Variants in PHKG2 observed in about 807,000 individuals in gnomAD.
PHKG2 encodes phosphorylase kinase catalytic subunit gamma 2.
In PHKG2, 28 loss-of-function variants were observed where a neutral mutation model predicts 44.5. That is an observed-to-expected ratio of 0.63 (90% CI 0.47 to 0.86). PHKG2 has a LOEUF of 0.86. Among genes scored for constraint, PHKG2 ranks in the 40% least tolerant of loss-of-function variants. PHKG2 has a pLI of 0.00. For missense variants in PHKG2, 498 were observed against 547.5 expected, an observed-to-expected ratio of 0.91 and a Z score of 0.90; for synonymous variants, 220 against 211.2, an observed-to-expected ratio of 1.04 and a Z score of -0.36.
chr16:30,760,277 C>T lies in PHKG2; in HGVS notation c.*3180C>T. On this transcript the variant is annotated 3_prime_UTR_variant, in exon 10 of 10. Transcript: ENST00000563588. ...GGGGCTCAAACCTGGTAGCTGCCCC[C>T]TCTCACCAATACAAGCCTTGTGAAG... 1 of 1,614,188 alleles carries T rather than the reference C, an allele frequency of 6.2e-7. No individual in the cohort carries two copies. The highest frequency in any genetic ancestry group is 1.1e-5 in the South Asian group (1 of 91,086).
At chr16:30,750,479 G>A (rs1165628346) in intron 2 of PHKG2, among the ~76,000 whole-genome samples, 1 of 152,186 alleles carries the variant, frequency 6.6e-6, no homozygotes, top group Non-Finnish European at 1.5e-5. Context: ...ATATGGAGTT[G>A]GTGATAGCCT....
At chr16:30,755,841 C>T (rs2053415824) in intron 6 of PHKG2, among the ~76,000 whole-genome samples, 2 of 152,136 alleles carry the variant, frequency 1.3e-5, no homozygotes, top group Middle Eastern at 6.8e-3. Context: ...TTTCCATATG[C>T]ATTATGATAT....
rs1407954450 is a variant in PHKG2 at position 30,760,932 on chromosome 16, T to G, written c.*3835T>G. The G allele has an allele frequency of 1.6e-6, 1 of 610,696 alleles. No individual in the cohort carries two copies. The highest frequency in any genetic ancestry group is 2.7e-5 in the East Asian group (1 of 36,496). The allele number at this position is 610,696 out of a possible 1,614,324, so 37.8% of individuals were successfully genotyped here. On this transcript the variant is annotated 3_prime_UTR_variant, in exon 10 of 10. Transcript: ENST00000563588. ...TGTATGACCTTGGTCAAGTACTCCC[T>G]GTGGCCCTCAGTGTCCCCCTCTGTA...
intron 2 of PHKG2, among the ~76,000 whole-genome samples, chr16:30,749,884 A>T (rs1343139249): frequency 3.3e-5 from 5 of 152,212 alleles, no homozygotes; most frequent in Admixed American, 3.3e-4. Flanking sequence ...GTCTGTATCA[A>T]GTGCTATGGG....
intron 4 of PHKG2, 32 bp downstream of exon 4, chr16:30,751,635 C>G: frequency 6.4e-7 from 1 of 1,563,584 alleles, no homozygotes; most frequent in Non-Finnish European, 8.8e-7. Flanking sequence ...TCTGAGAAGC[C>G]TCCTCCCCAC....
chr16:30,754,164 TTTTTTC>T (rs1437020399), intron 6 of PHKG2, among the ~76,000 whole-genome samples: 1 of 149,474 alleles, frequency 6.7e-6, no homozygotes, highest in Non-Finnish European at 1.5e-5. Flanking sequence ...TTTTTTTTTC[TTTTTTC>T]TTTTTTTTTT....
chr16:30,754,638 A>C (rs2053392643), intron 6 of PHKG2, among the ~76,000 whole-genome samples: 1 of 152,124 alleles, frequency 6.6e-6, no homozygotes, highest in Admixed American at 6.5e-5. Context: ...AATACTCTTA[A>C]CCTGTGGACC....
In PHKG2 at chr16:30,759,090, T is replaced by C. The variant is rs748092461; in HGVS notation, c.*1993T>C. ...ACTGCCTGCTCCTCCATCTCCTTGCTTTCTTCTTTCTCTGCAAACCAGAAG... is the reference window on the plus strand; with the variant it reads ...ACTGCCTGCTCCTCCATCTCCTTGCCTTCTTCTTTCTCTGCAAACCAGAAG... On this transcript the variant is annotated 3_prime_UTR_variant, in exon 10 of 10. Transcript: ENST00000563588. The C allele has an allele frequency of 1.2e-6, 2 of 1,614,220 alleles. No individual in the cohort carries two copies. Among genetic ancestry groups the C allele is most frequent in the Non-Finnish European group, 1.7e-6 (2 of 1,180,032 alleles).
intron 6 of PHKG2, among the ~76,000 whole-genome samples, chr16:30,755,577 G>C (rs961298406): frequency 5.3e-5 from 8 of 152,128 alleles, no homozygotes; most frequent in Non-Finnish European, 1.0e-4. Context: ...TCGGGAGACT[G>C]AGGCAGGAGA....
Position 30,761,089 on chromosome 16 carries a change from G to T in PHKG2, c.*3992G>T. On this transcript the variant is annotated 3_prime_UTR_variant, in exon 10 of 10. Transcript: ENST00000563588. The stretch of plus-strand genomic sequence containing the variant: ...GTCACCTGGAGTAATTGCATCTCCA[G>T]GCCTCAGTCTCATCTGTAAAATGGG... 7.9e-7 allele frequency: 1 copy of T among 1,271,134 alleles called. No homozygotes were observed. The highest frequency in any genetic ancestry group is 1.1e-6 in the Non-Finnish European group (1 of 903,250). 78.7% of individuals were successfully genotyped at this position (1,271,134 alleles called of 1,614,324 possible). A position where few individuals can be genotyped will look rare whatever the true frequency, so the allele number is the denominator to read the frequency against.
chr16:30,753,313 G>GA lies in PHKG2; in HGVS notation c.392+18dup. ...AGGAAACCAGGTAAGGGTTGAGCCTGAAGCCCCAGGGGTGAGCAGGGGGTG... is the reference window on the plus strand; with the variant it reads ...AGGAAACCAGGTAAGGGTTGAGCCTGAAAGCCCCAGGGGTGAGCAGGGGGTG... On this transcript the variant is annotated intron_variant, in intron 5 of 9. Coordinates refer to ENST00000563588, the MANE Select transcript of PHKG2 (RefSeq NM_000294.3). 6.2e-7 allele frequency: 1 copy of GA among 1,613,606 alleles called. No homozygotes were observed.
intron 2 of PHKG2, among the ~76,000 whole-genome samples, 191 bp downstream of exon 2, chr16:30,749,106 C>CTGCTGG (rs1555466853): frequency 0.01 from 508 of 50,518 alleles, 153 homozygotes; most frequent in African/African-American, 0.02. Flanking sequence ...GCTGCTGCTG[C>CTGCTGG]TGCTGGTGGT....
intron 6 of PHKG2, among the ~76,000 whole-genome samples, chr16:30,755,568 C>T (rs1005540129): frequency 6.6e-6 from 1 of 151,866 alleles, no homozygotes; most frequent in African/African-American, 2.4e-5. Context: ...CCCAGCTACT[C>T]GGGAGACTGA....
At chr16:30,751,832 G>T in intron 4 of PHKG2, 2 of 555,228 alleles carry the variant, frequency 3.6e-6, no homozygotes, top group Non-Finnish European at 6.6e-6. Flanking sequence ...AGTGGCTCAC[G>T]CCTGTAATCC....
In PHKG2 at chr16:30,759,379, C is replaced by G. The variant is rs775682412; in HGVS notation, c.*2282C>G. On this transcript the variant is annotated 3_prime_UTR_variant, in exon 10 of 10. Transcript: ENST00000563588. ...GACGTATTTATAGAGCTTGAAGTGGCGGAAGTAAGTGTTGACCACGTAGTC... is the reference window on the plus strand; with the variant it reads ...GACGTATTTATAGAGCTTGAAGTGGGGGAAGTAAGTGTTGACCACGTAGTC... The G allele has an allele frequency of 2.5e-6, 4 of 1,614,174 alleles. No individual in the cohort carries two copies. The highest frequency in any genetic ancestry group is 3.4e-6 in the Non-Finnish European group (4 of 1,180,018).
Position 30,759,975 on chromosome 16 carries a change from A to G in PHKG2, c.*2878A>G. On this transcript the variant is annotated 3_prime_UTR_variant, in exon 10 of 10. Transcript: ENST00000563588. ...ATATTCTAGGGGAATAAACCAAGAA[A>G]TAGATCATTTCAGCTATTAAACATT... 6.9e-7 allele frequency: 1 copy of G among 1,455,030 alleles called. No homozygotes were observed. Among genetic ancestry groups the G allele is most frequent in the South Asian group, 1.5e-5 (1 of 68,520 alleles). The allele number at this position is 1,455,030 out of a possible 1,614,324, so 90.1% of individuals were successfully genotyped here. A position where few individuals can be genotyped will look rare whatever the true frequency, so the allele number is the denominator to read the frequency against.
At position 30,760,599 on chromosome 16, in the gene PHKG2, T is replaced by TG; in HGVS notation, c.*3502_*3503insG. ...AGAGCTCTTCCCACGCCCCCCTCAG[T>TG]CCCTACTCCCTCATCTCAGCATTGG... On this transcript the variant is annotated 3_prime_UTR_variant, in exon 10 of 10. Transcript: ENST00000563588. 1 of 1,559,148 alleles carries TG rather than the reference T, an allele frequency of 6.4e-7. No individual in the cohort carries two copies. The highest frequency in any genetic ancestry group is 1.4e-5 in the African/African-American group (1 of 73,446).
In PHKG2 at chr16:30,759,801, G is replaced by A; in HGVS notation, c.*2704G>A. 6.5e-7 allele frequency: 1 copy of A among 1,528,654 alleles called. No homozygotes were observed. Among genetic ancestry groups the A allele is most frequent in the East Asian group, 2.3e-5 (1 of 44,012 alleles). 94.7% of individuals were successfully genotyped at this position (1,528,654 alleles called of 1,614,324 possible). On this transcript the variant is annotated 3_prime_UTR_variant, in exon 10 of 10. Coordinates refer to ENST00000563588, the MANE Select transcript of PHKG2 (RefSeq NM_000294.3). Reference sequence around the variant, plus strand: ...TTCACTTCACTCAACAGCTGTTTATGACCATGAGCTTCAGAAGCAGACAGA... The same window carrying A: ...TTCACTTCACTCAACAGCTGTTTATAACCATGAGCTTCAGAAGCAGACAGA...
chr16:30,761,082 A>C lies in PHKG2; in HGVS notation c.*3985A>C, dbSNP rs956694807. On this transcript the variant is annotated 3_prime_UTR_variant, in exon 10 of 10. Transcript: ENST00000563588. ...ACTTCCAGTCACCTGGAGTAATTGC[A>C]TCTCCAGGCCTCAGTCTCATCTGTA... 5.9e-6 allele frequency: 7 copies of C among 1,186,640 alleles called. No individual in the cohort carries two copies. Among genetic ancestry groups the C allele is most frequent in the Admixed American group, 4.5e-5 (2 of 44,658 alleles). 73.5% of individuals were successfully genotyped at this position (1,186,640 alleles called of 1,614,324 possible). A position where few individuals can be genotyped will look rare whatever the true frequency, so the allele number is the denominator to read the frequency against.
Sources: gnomAD v4.1 joint callset for allele counts (sites outside exome capture counted in the v4.1 genomes callset) on GRCh38, gnomAD v4.1.1 for gene constraint, MANE v1.5 for transcripts, NCBI Gene and HGNC (gene_info 2026-07-23, HGNC 2026-07-21) for gene names.